CDH4: variants seen among roughly 807,000 people sequenced by gnomAD.
CDH4 encodes cadherin-4.
A neutral mutation model predicts 86.0 loss-of-function variants in CDH4; 33 were observed. The ratio of observed to expected loss-of-function variants is 0.38; its 90% CI spans 0.29 to 0.51. CDH4 has a LOEUF of 0.51. Among genes scored for constraint, CDH4 ranks in the 20% least tolerant of loss-of-function variants. The pLI, the probability that CDH4 is intolerant of heterozygous loss-of-function variation, is 0.86. For synonymous variants in CDH4, 555 were observed against 549.4 expected (o/e 1.01, Z -0.14); for missense variants, 1,114 against 1,307.4 (o/e 0.85, Z 2.28).
intron 2 of CDH4, among the ~76,000 whole-genome samples, chr20:61,592,122 C>T (rs2086523270): frequency 6.6e-6 from 1 of 152,186 alleles, no homozygotes; most frequent in Non-Finnish European, 1.5e-5. Context: ...GAGCTAGCAA[C>T]TCAAAACAGT....
chr20:61,766,969 G>A (rs2088706915), intron 3 of CDH4, among the ~76,000 whole-genome samples: 1 of 152,264 alleles, frequency 6.6e-6, no homozygotes, highest in Non-Finnish European at 1.5e-5. Flanking sequence ...GAAGTGGTGG[G>A]ATGGGCCCAT....
At chr20:61,419,050 A>G (rs2085162556) in intron 2 of CDH4, among the ~76,000 whole-genome samples, 1 of 152,108 alleles carries the variant, frequency 6.6e-6, no homozygotes, top group Admixed American at 6.5e-5. Flanking sequence ...AAGATTGCAC[A>G]CACCGGGTCC....
At chr20:61,255,822 G>A (rs139997098) in intron 2 of CDH4, among the ~76,000 whole-genome samples, 6 of 152,172 alleles carry the variant, frequency 3.9e-5, no homozygotes, top group East Asian at 1.9e-4. Flanking sequence ...GCGTGAACTC[G>A]CTCACGCTTA....
chr20:61,674,103 T>G (rs1431466900), intron 2 of CDH4, among the ~76,000 whole-genome samples: 2 of 152,112 alleles, frequency 1.3e-5, no homozygotes, highest in Admixed American at 1.3e-4. Context: ...TCCCTAGCTT[T>G]CTTCTGCAGC....
rs192775484 is a variant in CDH4, at chr20:61,911,062, T to C, written c.1374+455T>C. Reference sequence around the variant, plus strand: ...TAGCGTCCTCATCTGGGTTTTGGTATCAAGGTTACAGACTAATCTCAAGAG... The same window carrying C: ...TAGCGTCCTCATCTGGGTTTTGGTACCAAGGTTACAGACTAATCTCAAGAG... On this transcript the variant is annotated intron_variant, in intron 9 of 15. Transcript: ENST00000614565. 1.9e-3 allele frequency among the ~76,000 whole-genome samples: 296 copies of C among 152,366 alleles called. 1 individual carries two copies. The highest frequency in any genetic ancestry group is 1.3e-3 in the Non-Finnish European group (86 of 68,042).
chr20:61,872,305 T>G (rs2146146665), intron 6 of CDH4, among the ~76,000 whole-genome samples: 1 of 152,158 alleles, frequency 6.6e-6, no homozygotes, highest in African/African-American at 2.4e-5. Context: ...GAGATGAGGA[T>G]GCACAGGGCC....
At chr20:61,885,393 C>A (rs1984497223) in intron 7 of CDH4, among the ~76,000 whole-genome samples, 1 of 152,198 alleles carries the variant, frequency 6.6e-6, no homozygotes, top group South Asian at 2.1e-4. Context: ...TGTAAGTGGG[C>A]TCCTTCCATG....
intron 2 of CDH4, among the ~76,000 whole-genome samples, chr20:61,710,124 C>T (rs1004929073): frequency 3.3e-5 from 5 of 152,122 alleles, no homozygotes; most frequent in East Asian, 1.9e-4. Context: ...CCCTGCCGGG[C>T]GGGTCTGCAT....
intron 2 of CDH4, among the ~76,000 whole-genome samples, chr20:61,713,317 C>A (rs1343569825): frequency 6.6e-6 from 1 of 152,022 alleles, no homozygotes; most frequent in South Asian, 2.1e-4. Flanking sequence ...GTCTCCACTC[C>A]CCCCCAGACC....
At chr20:61,622,478 T>G (rs764290014) in intron 2 of CDH4, among the ~76,000 whole-genome samples, 13 of 152,262 alleles carry the variant, frequency 8.5e-5, no homozygotes, top group African/African-American at 2.7e-4. Context: ...GGAGCTTGGC[T>G]GCAGCATCCG....
chr20:61,841,198 C>G (rs535796505), intron 4 of CDH4, among the ~76,000 whole-genome samples: 8 of 152,336 alleles, frequency 5.3e-5, no homozygotes, highest in East Asian at 1.9e-4. Context: ...TGCGTGCTCC[C>G]AGTGCCCTTC....
chr20:61,638,451 G>T (rs899466214), intron 2 of CDH4, among the ~76,000 whole-genome samples: 2 of 152,166 alleles, frequency 1.3e-5, no homozygotes, highest in African/African-American at 4.8e-5. Flanking sequence ...GAACTGCTGA[G>T]ATATGAACAG....
intron 5 of CDH4, among the ~76,000 whole-genome samples, chr20:61,845,746 C>T (rs541363384): frequency 2.6e-5 from 4 of 152,360 alleles, no homozygotes; most frequent in East Asian, 1.9e-4. Context: ...CTGTCAGGGC[C>T]GTGTGCTTCT....
intron 2 of CDH4, among the ~76,000 whole-genome samples, chr20:61,638,944 T>C (rs898830501): frequency 3.9e-5 from 6 of 152,144 alleles, no homozygotes; most frequent in African/African-American, 1.2e-4. Context: ...AGGCCAATAG[T>C]CACTCATGGC....
At chr20:61,605,886 GAAAAAAAA>G (rs529210946) in intron 2 of CDH4, among the ~76,000 whole-genome samples, 1 of 126,000 alleles carries the variant, frequency 7.9e-6, no homozygotes. Flanking sequence ...GGCTGTGGAG[GAAAAAAAA>G]AAAAAAAAAA....
chr20:61,391,435 A>T (rs1326783119), intron 2 of CDH4, among the ~76,000 whole-genome samples: 1 of 152,140 alleles, frequency 6.6e-6, no homozygotes, highest in Non-Finnish European at 1.5e-5. Context: ...AATGTCCACC[A>T]CCTGCGCCCT....
intron 2 of CDH4, among the ~76,000 whole-genome samples, chr20:61,549,785 C>T (rs1294525386): frequency 1.3e-5 from 2 of 152,240 alleles, no homozygotes; most frequent in African/African-American, 2.4e-5. Context: ...GATACATGAG[C>T]GCTTAGCGCA....
At chr20:61,772,006 C>A (rs1171096476) in intron 3 of CDH4, among the ~76,000 whole-genome samples, 2 of 152,144 alleles carry the variant, frequency 1.3e-5, no homozygotes, top group Admixed American at 1.3e-4. Flanking sequence ...TGCTGAGTGA[C>A]CGCGGGGACC....
intron 2 of CDH4, chr20:61,740,368 G>A (rs2088318656): frequency 2.0e-5 from 3 of 152,174 alleles, no homozygotes; most frequent in African/African-American, 7.2e-5. Context: ...AACATTCTGG[G>A]TTGTGTTCAT....
Sources: gnomAD v4.1 joint callset for allele counts (sites outside exome capture counted in the v4.1 genomes callset) on GRCh38, gnomAD v4.1.1 for gene constraint, MANE v1.5 for transcripts, NCBI Gene and HGNC (gene_info 2026-07-23, HGNC 2026-07-21) for gene names.